The following RPS6KA5 variants were observed in gnomAD, a reference collection of about 807,000 sequenced individuals.
RPS6KA5 encodes the protein ribosomal protein S6 kinase alpha-5.
Under a neutral mutation model 85.5 loss-of-function variants are expected in RPS6KA5, and 27 were observed. The observed-to-expected ratio is 0.32, with a 90% CI of 0.23 to 0.44. The LOEUF (loss-of-function observed/expected upper bound fraction) is 0.44. Ranked by LOEUF, RPS6KA5 falls within the 20% of genes least tolerant of loss-of-function variation. RPS6KA5 has a pLI of 1.00. For synonymous variants in RPS6KA5, 334 were observed against 348.2 expected, an observed-to-expected ratio of 0.96 and a Z score of 0.46; for missense variants, 811 against 980.9, an observed-to-expected ratio of 0.83 and a Z score of 2.31.
Position 91,016,823 on chromosome 14 carries a change from A to G in RPS6KA5, c.104-15664T>C, listed in dbSNP as rs570550125. 7.9e-4 allele frequency among the ~76,000 whole-genome samples: 120 copies of G among 151,816 alleles called. 1 individual carries two copies. In the South Asian group the frequency reaches 0.011, roughly 13 times the overall value. On this transcript the variant is annotated intron_variant, in intron 1 of 16. Transcript: ENST00000614987. Reference sequence around the variant, plus strand: ...ACATGATTGGAAAATCGATGACAAGAAAGTGTAAGGAAGAGGTATTTGGCT... The same window carrying G: ...ACATGATTGGAAAATCGATGACAAGGAAGTGTAAGGAAGAGGTATTTGGCT...
chr14:90,959,331 G>C (rs1052614088), intron 3 of RPS6KA5, among the ~76,000 whole-genome samples: 1 of 152,224 alleles, frequency 6.6e-6, no homozygotes, highest in African/African-American at 2.4e-5. Context: ...TTCTGAGTAG[G>C]ATAGTAGTGT....
At chr14:90,958,187 C>T (rs989921921) in intron 3 of RPS6KA5, among the ~76,000 whole-genome samples, 1 of 151,978 alleles carries the variant, frequency 6.6e-6, no homozygotes. Context: ...TTAGATGGGG[C>T]TATTTGAGTT....
intron 2 of RPS6KA5, among the ~76,000 whole-genome samples, chr14:90,994,773 C>T (rs1225571988): frequency 6.6e-6 from 1 of 151,208 alleles, no homozygotes; most frequent in Non-Finnish European, 1.5e-5. Flanking sequence ...GGGGTTTAAC[C>T]GTGTTAGCCA....
intron 1 of RPS6KA5, among the ~76,000 whole-genome samples, chr14:91,031,717 T>C (rs932985955): frequency 2.6e-5 from 4 of 152,000 alleles, no homozygotes; most frequent in Admixed American, 6.6e-5. Flanking sequence ...AAAAAACTTA[T>C]TTAAGGAAGG....
At chr14:90,955,195 T>C (rs2038435379) in intron 3 of RPS6KA5, among the ~76,000 whole-genome samples, 2 of 152,240 alleles carry the variant, frequency 1.3e-5, no homozygotes. Context: ...CAAATGTTTC[T>C]TGCTTTTTTA....
chr14:90,934,161 C>T (rs2140327840), intron 5 of RPS6KA5, among the ~76,000 whole-genome samples: 1 of 152,284 alleles, frequency 6.6e-6, no homozygotes, highest in Non-Finnish European at 1.5e-5. Flanking sequence ...GTCCATTTTG[C>T]TCATTCATTG....
In RPS6KA5 at chr14:90,875,257, G is replaced by A. The variant is rs151173238; in HGVS notation, c.1940C>T (p.Ser647Phe). 1.1e-5 allele frequency: 17 copies of A among 1,613,866 alleles called. No homozygotes were observed. Among genetic ancestry groups the A allele is most frequent in the Non-Finnish European group, 1.4e-5 (17 of 1,179,878 alleles). Residue 647 changes from serine (S) to phenylalanine (F), a missense_variant, in exon 15 of 17, where the codon TCC becomes TTC. This residue lies in a region of RPS6KA5 where 650 missense variants were observed against 793.4 expected (regional missense o/e 0.82). Coordinates refer to ENST00000614987, the MANE Select transcript of RPS6KA5 (RefSeq NM_004755.4). Reference sequence around the variant, plus strand: ...ATTCTTCCAGGCTTCTCCTTCAAAGGAGAAATCTCCCTTTTTAATTTTCTT... The same window carrying A: ...ATTCTTCCAGGCTTCTCCTTCAAAGAAGAAATCTCCCTTTTTAATTTTCTT... ...IMKKIKKGDF[S>F]FEGEAWKNVS...
At chr14:90,993,561 A>G (rs2040395747) in intron 2 of RPS6KA5, among the ~76,000 whole-genome samples, 1 of 151,934 alleles carries the variant, frequency 6.6e-6, no homozygotes, top group South Asian at 2.1e-4. Flanking sequence ...ATTAACAGTT[A>G]TTTTCTCTGG....
intron 1 of RPS6KA5, among the ~76,000 whole-genome samples, chr14:91,009,703 G>GA (rs1003020615): frequency 2.0e-5 from 3 of 152,068 alleles, no homozygotes; most frequent in Non-Finnish European, 4.4e-5. Context: ...AAGAATGGCA[G>GA]AAAAAAACCC....
intron 1 of RPS6KA5, among the ~76,000 whole-genome samples, chr14:91,035,930 T>A (rs1199544358): frequency 2.7e-5 from 3 of 112,762 alleles, no homozygotes; most frequent in Non-Finnish European, 1.7e-5. Flanking sequence ...CTGAATTAGG[T>A]ATCTTCAAGC....
Position 90,859,557 on chromosome 14 carries a change from T to C in RPS6KA5, c.*12517A>G, listed in dbSNP as rs2032442131. ...GAATCCAAAATATAAGATATACAAC[T>C]AAATTTAAAATTGATTAGGCTCAGC... On this transcript the variant is annotated 3_prime_UTR_variant, in exon 17 of 17. Coordinates refer to ENST00000614987, the MANE Select transcript of RPS6KA5 (RefSeq NM_004755.4). The C allele has an allele frequency of 6.6e-6, 1 of 152,192 alleles. No individual in the cohort carries two copies. Among genetic ancestry groups the C allele is most frequent in the South Asian group, 2.1e-4 (1 of 4,834 alleles). 9.4% of individuals were successfully genotyped at this position (152,192 alleles called of 1,614,324 possible). A position where few individuals can be genotyped will look rare whatever the true frequency, so the allele number is the denominator to read the frequency against.
rs59385126 is a variant in RPS6KA5 at position 90,863,697 on chromosome 14, C to A, written c.*8377G>T. 4.0e-5 allele frequency: 6 copies of A among 151,870 alleles called. No homozygotes were observed. Among genetic ancestry groups the A allele is most frequent in the Non-Finnish European group, 7.4e-5 (5 of 67,946 alleles). 9.4% of individuals were successfully genotyped at this position (151,870 alleles called of 1,614,324 possible). A position where few individuals can be genotyped will look rare whatever the true frequency, so the allele number is the denominator to read the frequency against. The stretch of plus-strand genomic sequence containing the variant: ...TCAAAAACCTAGATATAAATCTAAC[C>A]TCTACATGTAAATCTATAAAACACT... On this transcript the variant is annotated 3_prime_UTR_variant, in exon 17 of 17. Coordinates refer to ENST00000614987, the MANE Select transcript of RPS6KA5 (RefSeq NM_004755.4).
At position 90,858,699 on chromosome 14, in the gene RPS6KA5, T is replaced by C. The variant is rs2032397814; in HGVS notation, c.*13375A>G. The C allele has an allele frequency of 6.6e-6, 1 of 152,060 alleles. No individual in the cohort carries two copies. The highest frequency in any genetic ancestry group is 2.4e-5 in the African/African-American group (1 of 41,390). The allele number at this position is 152,060 out of a possible 1,614,324, so 9.4% of individuals were successfully genotyped here. A position where few individuals can be genotyped will look rare whatever the true frequency, so the allele number is the denominator to read the frequency against. On this transcript the variant is annotated 3_prime_UTR_variant, in exon 17 of 17. Transcript: ENST00000614987. Reference sequence around the variant, plus strand: ...GCAGGGAGAACTTGACGAGCTGCAATAAAATAGCTGAAAGGAGGGAAAAAA... The same window carrying C: ...GCAGGGAGAACTTGACGAGCTGCAACAAAATAGCTGAAAGGAGGGAAAAAA...
intron 3 of RPS6KA5, among the ~76,000 whole-genome samples, chr14:90,961,030 C>T (rs988841181): frequency 6.6e-6 from 1 of 152,132 alleles, no homozygotes; most frequent in Non-Finnish European, 1.5e-5. Context: ...TGGGAAAGGG[C>T]TCCCGACAGA....
At chr14:90,926,113 T>C (rs2036653611) in intron 5 of RPS6KA5, among the ~76,000 whole-genome samples, 1 of 151,990 alleles carries the variant, frequency 6.6e-6, no homozygotes, top group Non-Finnish European at 1.5e-5. Flanking sequence ...TTCTCAAGAC[T>C]TAGTAAAATT....
At chr14:91,056,035 A>C (rs1806569965) in intron 1 of RPS6KA5, among the ~76,000 whole-genome samples, 1 of 152,200 alleles carries the variant, frequency 6.6e-6, no homozygotes, top group Non-Finnish European at 1.5e-5. Flanking sequence ...GTTAGAATCA[A>C]GAAGCTTCCT....
At chr14:90,922,035 A>C (rs1430405630) in intron 6 of RPS6KA5, among the ~76,000 whole-genome samples, 1 of 152,192 alleles carries the variant, frequency 6.6e-6, no homozygotes, top group Non-Finnish European at 1.5e-5. Context: ...AGGCCAAAAA[A>C]ATTGAGCTTT....
chr14:90,943,029 T>A (rs1322890997), intron 5 of RPS6KA5, 49 bp downstream of exon 5: 1 of 1,067,506 alleles, frequency 9.4e-7, no homozygotes, highest in East Asian at 2.4e-5. Context: ...TAAGTTTTCA[T>A]CCTTGTTTAC....
In RPS6KA5 at chr14:90,965,389, C is replaced by A. The variant is rs142359031; in HGVS notation, c.394+12917G>T. On this transcript the variant is annotated intron_variant, in intron 3 of 16. Coordinates refer to ENST00000614987, the MANE Select transcript of RPS6KA5 (RefSeq NM_004755.4). ...ACTCTGTCTCAACAAAAAAAAAGTT[C>A]TCATATCAAATACCTTAAATTTTTG... Among the ~76,000 whole-genome samples the A allele has an allele frequency of 3.4e-4, 52 of 152,188 alleles. 1 individual carries two copies. In the East Asian group the frequency reaches 7.9e-3, roughly 23 times the overall value.
Sources: gnomAD v4.1 joint callset for allele counts (sites outside exome capture counted in the v4.1 genomes callset) on GRCh38, gnomAD v4.1.1 for gene constraint, gnomAD v4.1.1 regional missense constraint, MANE v1.5 for transcripts, NCBI Gene and HGNC (gene_info 2026-07-23, HGNC 2026-07-21) for gene names.